The following SLC1A2 variants were observed in gnomAD, a reference collection of about 807,000 sequenced individuals.
The protein encoded by SLC1A2 is excitatory amino acid transporter 2.
SLC1A2 carries 15 observed loss-of-function variants against 48.8 expected under a neutral mutation model. The ratio of observed to expected loss-of-function variants is 0.31; its 90% CI spans 0.21 to 0.47. The LOEUF is 0.47. Among genes scored for constraint, SLC1A2 ranks in the 20% least tolerant of loss-of-function variants. The pLI is 0.99. For missense variants in SLC1A2, 502 were observed against 730.5 expected, an observed-to-expected ratio of 0.69 and a Z score of 3.61; for synonymous variants, 279 against 272.6, an observed-to-expected ratio of 1.02 and a Z score of -0.23.
At chr11:35,373,547 G>T (rs547301615) in intron 1 of SLC1A2, among the ~76,000 whole-genome samples, 2 of 152,304 alleles carry the variant, frequency 1.3e-5, no homozygotes, top group South Asian at 4.1e-4. Flanking sequence ...AAAGGTTGAG[G>T]TACAAGGTGA....
chr11:35,364,603 C>G (rs1260345377), intron 1 of SLC1A2, among the ~76,000 whole-genome samples: 1 of 152,174 alleles, frequency 6.6e-6, no homozygotes, highest in African/African-American at 2.4e-5. Context: ...GTTTGAATAC[C>G]ACTCACTAAC....
intron 1 of SLC1A2, among the ~76,000 whole-genome samples, chr11:35,324,317 A>G (rs1852169894): frequency 6.6e-6 from 1 of 152,222 alleles, no homozygotes. Flanking sequence ...TAACTGTCAG[A>G]AGACAAGTTG....
chr11:35,373,853 A>G (rs529025252), intron 1 of SLC1A2, among the ~76,000 whole-genome samples: 10 of 152,244 alleles, frequency 6.6e-5, no homozygotes, highest in Non-Finnish European at 1.0e-4. Flanking sequence ...TCAAGTTCAA[A>G]GTATTAACTC....
At chr11:35,288,088 T>A (rs1056160648) in intron 7 of SLC1A2, among the ~76,000 whole-genome samples, 2 of 151,876 alleles carry the variant, frequency 1.3e-5, no homozygotes, top group Non-Finnish European at 2.9e-5. Context: ...TCTCAAAGAG[T>A]GGGAGAAGAC....
At chr11:35,293,180 A>G (rs185386370) in intron 6 of SLC1A2, among the ~76,000 whole-genome samples, 1 of 152,326 alleles carries the variant, frequency 6.6e-6, no homozygotes, top group Admixed American at 6.5e-5. Flanking sequence ...AATGCTTACC[A>G]CAACCCGAAA....
At chr11:35,329,428 G>A (rs1007308784) in intron 1 of SLC1A2, among the ~76,000 whole-genome samples, 5 of 152,324 alleles carry the variant, frequency 3.3e-5, no homozygotes, top group South Asian at 2.1e-4. Flanking sequence ...TCTGGTGGGT[G>A]ATGTTGACAG....
chr11:35,275,044 T>C (rs764037776), intron 9 of SLC1A2, among the ~76,000 whole-genome samples: 1 of 152,222 alleles, frequency 6.6e-6, no homozygotes, highest in Non-Finnish European at 1.5e-5. Context: ...CAGAATCACC[T>C]GGGAACTTGC....
At chr11:35,375,019 T>G (rs1323254683) in intron 1 of SLC1A2, among the ~76,000 whole-genome samples, 2 of 152,224 alleles carry the variant, frequency 1.3e-5, no homozygotes, top group Non-Finnish European at 2.9e-5. Context: ...ACAAAAGGTA[T>G]TTGAATGGCA....
At chr11:35,267,930 TA>T (rs1850148704) in intron 9 of SLC1A2, among the ~76,000 whole-genome samples, 1 of 152,224 alleles carries the variant, frequency 6.6e-6, no homozygotes, top group South Asian at 2.1e-4. Flanking sequence ...GATAAATACA[TA>T]ATTGTCTATT....
intron 2 of SLC1A2, chr11:35,316,333 T>C (rs533144729): frequency 2.0e-5 from 3 of 152,366 alleles, no homozygotes; most frequent in Admixed American, 6.5e-5. Context: ...ACAGTGTTAA[T>C]TCCACAGATG....
At chr11:35,283,345 AT>A (rs1330799991) in intron 8 of SLC1A2, among the ~76,000 whole-genome samples, 1 of 152,198 alleles carries the variant, frequency 6.6e-6, no homozygotes. Context: ...AGATTTGGCT[AT>A]TTTCCTCCAA....
chr11:35,254,608 C>T lies in SLC1A2; in HGVS notation c.*6286G>A, dbSNP rs1369966491. On this transcript the variant is annotated 3_prime_UTR_variant, in exon 11 of 11. Coordinates refer to ENST00000278379, the MANE Select transcript of SLC1A2 (RefSeq NM_004171.4). ...CAGTGCCCCAGAAGGAGTGAGGCTC[C>T]GACTGCAACATCTCCATCTCCAGTG... 9 of 324,334 alleles carry T rather than the reference C, an allele frequency of 2.8e-5. No individual in the cohort carries two copies. The highest frequency in any genetic ancestry group is 1.1e-4 in the African/African-American group (5 of 45,338). The allele number at this position is 324,334 out of a possible 1,614,324, so 20.1% of individuals were successfully genotyped here.
intron 1 of SLC1A2, among the ~76,000 whole-genome samples, chr11:35,376,494 C>T (rs2135185970): frequency 6.6e-6 from 1 of 152,170 alleles, no homozygotes; most frequent in Non-Finnish European, 1.5e-5. Context: ...TATTATTTTT[C>T]CAATTCTTCT....
chr11:35,380,539 G>A (rs1590250893), intron 1 of SLC1A2: 2 of 397,482 alleles, frequency 5.0e-6, no homozygotes, highest in East Asian at 3.6e-5. Context: ...GGTCTACAGC[G>A]AGCTGCAAAA....
At chr11:35,383,399 T>C (rs1273884860) in intron 1 of SLC1A2, among the ~76,000 whole-genome samples, 1 of 152,194 alleles carries the variant, frequency 6.6e-6, no homozygotes, top group African/African-American at 2.4e-5. Flanking sequence ...GAAAATGCTA[T>C]ATGGCTTAAG....
At chr11:35,401,404 T>C (rs1565304759) in intron 1 of SLC1A2, among the ~76,000 whole-genome samples, 2 of 152,234 alleles carry the variant, frequency 1.3e-5, no homozygotes, top group African/African-American at 2.4e-5. Flanking sequence ...GTCATGTTGA[T>C]ATCTTATTGC....
chr11:35,355,866 C>G (rs1853441137), intron 1 of SLC1A2, among the ~76,000 whole-genome samples: 1 of 141,792 alleles, frequency 7.1e-6, no homozygotes, highest in South Asian at 2.2e-4. Flanking sequence ...ACCTAGGCAA[C>G]AGAGCAAGAC....
chr11:35,398,834 T>C (rs1042703151), intron 1 of SLC1A2, among the ~76,000 whole-genome samples: 4 of 152,188 alleles, frequency 2.6e-5, no homozygotes, highest in Admixed American at 6.5e-5. Flanking sequence ...CCACAGTTTA[T>C]CCAGGAATAG....
At chr11:35,323,754 A>T (rs867677784) in intron 1 of SLC1A2, among the ~76,000 whole-genome samples, 19 of 152,198 alleles carry the variant, frequency 1.2e-4, no homozygotes, top group Admixed American at 4.6e-4. Flanking sequence ...CAATAACAAC[A>T]ACCATTTCTT....
Sources: gnomAD v4.1 joint callset for allele counts (sites outside exome capture counted in the v4.1 genomes callset) on GRCh38, gnomAD v4.1.1 for gene constraint, MANE v1.5 for transcripts, NCBI Gene and HGNC (gene_info 2026-07-23, HGNC 2026-07-21) for gene names.